Variants in ADAM22 observed in about 807,000 individuals in gnomAD.
The protein encoded by ADAM22 is disintegrin and metalloproteinase domain-containing protein 22.
In ADAM22, 65 loss-of-function variants were observed where a neutral mutation model predicts 144.6. The ratio of observed to expected loss-of-function variants is 0.45; its 90% confidence interval spans 0.37 to 0.55. ADAM22 has a LOEUF of 0.55. Among genes scored for constraint, ADAM22 ranks in the 20% least tolerant of loss-of-function variants. ADAM22 has a pLI of 0.00. For synonymous variants in ADAM22, 391 were observed against 412.6 expected (o/e 0.95, Z 0.63); for missense variants, 974 against 1,184.9 (o/e 0.82, Z 2.61).
At chr7:88,187,009 C>G (rs1418486171) in intron 30 of ADAM22, among the ~76,000 whole-genome samples, 1 of 152,194 alleles carries the variant, frequency 6.6e-6, no homozygotes, top group Non-Finnish European at 1.5e-5. Flanking sequence ...ATGAAACATA[C>G]TTTCCACTAA....
intron 4 of ADAM22, among the ~76,000 whole-genome samples, chr7:88,087,923 A>G (rs1319340918): frequency 2.6e-5 from 4 of 152,226 alleles, no homozygotes; most frequent in Non-Finnish European, 4.4e-5. Flanking sequence ...AGTGCACTCA[A>G]GAATCACTGC....
rs566081798 is a variant in ADAM22 at position 88,011,493 on chromosome 7, T to C, written c.323+33081T>C. Among the ~76,000 whole-genome samples, 583 of 148,592 alleles carry C rather than the reference T, an allele frequency of 3.9e-3. 2 individuals are homozygous for C. The highest frequency in any genetic ancestry group is 6.1e-3 in the Non-Finnish European group (410 of 67,556). On this transcript the variant is annotated intron_variant, in intron 3 of 31. Transcript: ENST00000413139. Reference sequence around the variant, plus strand: ...AGGCAGAGCTTGCAGTGAGCCGAGATCGCACCACTGCACTCCAGCCTGGGT... The same window carrying C: ...AGGCAGAGCTTGCAGTGAGCCGAGACCGCACCACTGCACTCCAGCCTGGGT...
chr7:88,024,799 G>A (rs1798632275), intron 3 of ADAM22, among the ~76,000 whole-genome samples: 1 of 148,906 alleles, frequency 6.7e-6, no homozygotes, highest in South Asian at 2.1e-4. Context: ...AGAACATGCA[G>A]TGTTTGGTTT....
At chr7:88,168,020 A>C in intron 24 of ADAM22, 117 bp from the exon 25 acceptor site, 1 of 782,070 alleles carries the variant, frequency 1.3e-6, no homozygotes, top group Non-Finnish European at 2.0e-6. Flanking sequence ...CCTTTGAAAA[A>C]TACTCATTTT....
intron 4 of ADAM22, among the ~76,000 whole-genome samples, chr7:88,103,510 G>T (rs1378448752): frequency 6.6e-6 from 1 of 151,970 alleles, no homozygotes; most frequent in Admixed American, 6.6e-5. Flanking sequence ...TTTTATAGAG[G>T]TAGATTTTTT....
intron 4 of ADAM22, among the ~76,000 whole-genome samples, chr7:88,082,622 T>TC (rs1817086781): frequency 6.6e-6 from 1 of 151,984 alleles, no homozygotes; most frequent in Non-Finnish European, 1.5e-5. Flanking sequence ...ATCTACAATG[T>TC]ACTCAAACAA....
intron 3 of ADAM22, among the ~76,000 whole-genome samples, chr7:88,061,111 A>G (rs1809725968): frequency 1.3e-5 from 2 of 152,160 alleles, no homozygotes; most frequent in African/African-American, 4.8e-5. Flanking sequence ...CTCAAAAAAA[A>G]AAAGAGTCCT....
At chr7:88,053,534 T>C (rs1807103445) in intron 3 of ADAM22, among the ~76,000 whole-genome samples, 1 of 143,626 alleles carries the variant, frequency 7.0e-6, no homozygotes, top group Non-Finnish European at 1.5e-5. Flanking sequence ...CTTAGAGATT[T>C]CAGGATAACT....
At chr7:87,982,420 A>C (rs1215257667) in intron 3 of ADAM22, among the ~76,000 whole-genome samples, 4 of 151,710 alleles carry the variant, frequency 2.6e-5, no homozygotes, top group Non-Finnish European at 5.9e-5. Flanking sequence ...CTGGGCCCTG[A>C]GGCAGGAACA....
chr7:87,934,948 A>G (rs1400503854), intron 1 of ADAM22, 78 bp from the exon 2 acceptor site: 3 of 1,587,844 alleles, frequency 1.9e-6, no homozygotes, highest in Non-Finnish European at 2.6e-6. Flanking sequence ...GTAGGACTGC[A>G]GGATGGAGGA....
chr7:88,122,300 G>A (rs1194884024), intron 7 of ADAM22, among the ~76,000 whole-genome samples: 2 of 152,182 alleles, frequency 1.3e-5, no homozygotes, highest in Admixed American at 6.5e-5. Context: ...AGCAAGATGA[G>A]TTACAATCTT....
intron 4 of ADAM22, among the ~76,000 whole-genome samples, chr7:88,091,841 G>A (rs1399711361): frequency 3.9e-5 from 6 of 152,114 alleles, no homozygotes; most frequent in Non-Finnish European, 5.9e-5. Context: ...GTCTCTTTTA[G>A]TAGTTGTTTT....
intron 3 of ADAM22, among the ~76,000 whole-genome samples, chr7:88,044,736 T>C (rs577239189): frequency 6.7e-6 from 1 of 149,922 alleles, no homozygotes; most frequent in South Asian, 2.1e-4. Flanking sequence ...GCCTGGCCTT[T>C]TTTTTTGAGA....
At chr7:87,972,535 T>C (rs1247204598) in intron 2 of ADAM22, among the ~76,000 whole-genome samples, 1 of 152,088 alleles carries the variant, frequency 6.6e-6, no homozygotes, top group South Asian at 2.1e-4. Flanking sequence ...TTCAATGCCA[T>C]CCCCATCAAG....
chr7:87,935,975 C>T (rs190915236), intron 2 of ADAM22, among the ~76,000 whole-genome samples: 250 of 152,276 alleles, frequency 1.6e-3, no homozygotes, highest in African/African-American at 5.9e-3. Context: ...GCTGATCAGG[C>T]AGTTCACCCA....
chr7:87,964,930 C>T (rs555238668), intron 2 of ADAM22, among the ~76,000 whole-genome samples: 3 of 152,312 alleles, frequency 2.0e-5, no homozygotes, highest in African/African-American at 7.2e-5. Context: ...GTGTGCATTG[C>T]AAGACTACAT....
rs1834485167 is a variant in ADAM22 at position 88,141,074 on chromosome 7, G to A, written c.1221-1952G>A. On this transcript the variant is annotated intron_variant, in intron 14 of 31. Coordinates refer to ENST00000413139, the MANE Select transcript of ADAM22 (RefSeq NM_001324418.2). ...TTTCAAGTTATAGTAATGAAGCTAT[G>A]GTTCCTCCCGTGGTGGAGACTTTAG... Among the ~76,000 whole-genome samples, 3 of 152,174 alleles carry A rather than the reference G, an allele frequency of 2.0e-5. No homozygotes were observed. The South Asian group carries it at 6.2e-4, about 32-fold the overall frequency.
chr7:88,127,038 C>A (rs574392017), intron 8 of ADAM22, among the ~76,000 whole-genome samples: 1 of 151,368 alleles, frequency 6.6e-6, no homozygotes, highest in Non-Finnish European at 1.5e-5. Flanking sequence ...ACTACTGTGA[C>A]CTTTATAAGT....
intron 2 of ADAM22, among the ~76,000 whole-genome samples, chr7:87,973,033 G>T (rs1850868248): frequency 6.6e-6 from 1 of 152,008 alleles, no homozygotes; most frequent in Admixed American, 6.6e-5. Flanking sequence ...ATAGGCACGG[G>T]CAGACTTCAT....
Sources: allele counts gnomAD v4.1 joint callset (sites outside exome capture counted in the v4.1 genomes callset), GRCh38; gene constraint gnomAD v4.1.1; transcripts MANE v1.5; gene names NCBI Gene and HGNC (gene_info 2026-07-23, HGNC 2026-07-21).